Variants in LPAR3 observed in about 807,000 individuals in gnomAD.
The protein encoded by LPAR3 is LPA receptor 3.
A neutral mutation model predicts 17.8 loss-of-function variants in LPAR3; 7 were observed. The ratio of observed to expected loss-of-function variants is 0.39; its 90% CI spans 0.22 to 0.74. The LOEUF (loss-of-function observed/expected upper bound fraction) is 0.74. LPAR3 is among the 30% of genes least tolerant of loss of function. The pLI, the probability that LPAR3 is intolerant of heterozygous loss-of-function variation, is 0.40. For synonymous variants in LPAR3, 179 were observed against 179.9 expected, an observed-to-expected ratio of 0.99 and a Z score of 0.04; for missense variants, 391 against 453.4, an observed-to-expected ratio of 0.86 and a Z score of 1.25.
intron 1 of LPAR3, among the ~76,000 whole-genome samples, chr1:84,879,065 A>C (rs1311454873): frequency 6.6e-6 from 1 of 152,038 alleles, no homozygotes; most frequent in Non-Finnish European, 1.5e-5. Context: ...TGAACTTTGC[A>C]TGGTTAACCT....
chr1:84,877,866 T>C (rs1660287105), intron 1 of LPAR3, among the ~76,000 whole-genome samples: 1 of 152,184 alleles, frequency 6.6e-6, no homozygotes, highest in Admixed American at 6.5e-5. Context: ...CAGTGGCATG[T>C]AGTAAGTAGA....
intron 2 of LPAR3, among the ~76,000 whole-genome samples, chr1:84,833,858 A>G (rs1659342509): frequency 6.6e-6 from 1 of 152,214 alleles, no homozygotes; most frequent in Admixed American, 6.5e-5. Flanking sequence ...CTTGCTGTTG[A>G]CACTGCTCTC....
At chr1:84,847,923 C>T (rs1055063342) in intron 2 of LPAR3, among the ~76,000 whole-genome samples, 1 of 152,194 alleles carries the variant, frequency 6.6e-6, no homozygotes, top group African/African-American at 2.4e-5. Flanking sequence ...CTGCCTAGGT[C>T]CCACCCCTTC....
chr1:84,836,638 C>A (rs1487637836), intron 2 of LPAR3, among the ~76,000 whole-genome samples: 2 of 152,064 alleles, frequency 1.3e-5, no homozygotes, highest in African/African-American at 4.8e-5. Flanking sequence ...AAAATTAGAA[C>A]AAAATCTTAA....
chr1:84,857,965 G>A (rs557901041), intron 2 of LPAR3, among the ~76,000 whole-genome samples: 29 of 152,218 alleles, frequency 1.9e-4, no homozygotes, highest in African/African-American at 6.3e-4. Context: ...TTATCAATAC[G>A]GGTGTGTGGG....
chr1:84,874,188 T>C (rs1660212564), intron 1 of LPAR3, among the ~76,000 whole-genome samples: 1 of 152,070 alleles, frequency 6.6e-6, no homozygotes, highest in Non-Finnish European at 1.5e-5. Flanking sequence ...AAGCGTACAA[T>C]GGGTGTGCTT....
chr1:84,851,949 G>A (rs1018236504), intron 2 of LPAR3, among the ~76,000 whole-genome samples: 1 of 152,186 alleles, frequency 6.6e-6, no homozygotes, highest in African/African-American at 2.4e-5. Flanking sequence ...AATGCTGGAG[G>A]AGGGAATCCA....
chr1:84,870,412 T>C (rs185070713), intron 1 of LPAR3, among the ~76,000 whole-genome samples: 2 of 152,240 alleles, frequency 1.3e-5, no homozygotes, highest in Non-Finnish European at 1.5e-5. Flanking sequence ...ATTTGTTGAA[T>C]GAATGAATGA....
At chr1:84,889,066 AAGGTTGTAGATACAC>A (rs1660509755) in intron 1 of LPAR3, among the ~76,000 whole-genome samples, 3 of 152,014 alleles carry the variant, frequency 2.0e-5, no homozygotes, top group African/African-American at 7.2e-5. Context: ...GGAGGAGTTC[AAGGTTGTAGATACAC>A]AGGACAAGAG....
intron 2 of LPAR3, among the ~76,000 whole-genome samples, chr1:84,842,054 T>C (rs1252151374): frequency 2.0e-5 from 3 of 152,124 alleles, no homozygotes; most frequent in Non-Finnish European, 4.4e-5. Context: ...GAAACTCAGA[T>C]GAGAAGTGAA....
intron 2 of LPAR3, among the ~76,000 whole-genome samples, chr1:84,822,174 G>C (rs916110067): frequency 6.6e-6 from 1 of 152,134 alleles, no homozygotes; most frequent in Admixed American, 6.5e-5. Context: ...CCAAGTGACA[G>C]GTCAGTTATA....
At chr1:84,820,101 G>A (rs1312802833) in intron 2 of LPAR3, among the ~76,000 whole-genome samples, 1 of 152,166 alleles carries the variant, frequency 6.6e-6, no homozygotes, top group Admixed American at 6.5e-5. Flanking sequence ...TAAATTTGAA[G>A]TTTAGAGTAG....
At chr1:84,860,778 A>C in intron 2 of LPAR3, among the ~76,000 whole-genome samples, 1 of 128,892 alleles carries the variant, frequency 7.8e-6, no homozygotes, top group African/African-American at 3.0e-5. Flanking sequence ...TCTCACTGTC[A>C]CCCAGGCTGG....
chr1:84,846,926 G>C (rs767622402), intron 2 of LPAR3, among the ~76,000 whole-genome samples: 27 of 152,160 alleles, frequency 1.8e-4, no homozygotes, highest in Non-Finnish European at 3.2e-4. Context: ...AAATTTTGGA[G>C]GGGGCTACCC....
intron 2 of LPAR3, among the ~76,000 whole-genome samples, chr1:84,847,344 T>G (rs948789740): frequency 1.3e-5 from 2 of 152,216 alleles, no homozygotes; most frequent in Non-Finnish European, 2.9e-5. Context: ...AGTGGATCAC[T>G]GGATTAGAAA....
chr1:84,813,158 T>TATATATATATATAGAGAGAGAGAGAGAG lies in LPAR3; in HGVS notation c.*687_*688insCTCTCTCTCTCTCTCTATATATATATAT, dbSNP rs1206774677. 4.9e-5 allele frequency: 5 copies of TATATATATATATAGAGAGAGAGAGAGAG among 101,680 alleles called. No individual in the cohort carries two copies. Among genetic ancestry groups the TATATATATATATAGAGAGAGAGAGAGAG allele is most frequent in the Non-Finnish European group, 1.1e-4 (5 of 47,328 alleles). 6.3% of individuals were successfully genotyped at this position (101,680 alleles called of 1,614,324 possible). A position where few individuals can be genotyped will look rare whatever the true frequency, so the allele number is the denominator to read the frequency against. ...ATATATATATATATATATATATATA[T>TATATATATATATAGAGAGAGAGAGAGAG]AGACACACACACACACACACACACA... On this transcript the variant is annotated 3_prime_UTR_variant, in exon 3 of 3. Transcript: ENST00000370611.
At chr1:84,825,913 G>C (rs1163290326) in intron 2 of LPAR3, among the ~76,000 whole-genome samples, 1 of 152,096 alleles carries the variant, frequency 6.6e-6, no homozygotes, top group African/African-American at 2.4e-5. Context: ...CAAAGTTACA[G>C]AGCAATCACA....
chr1:84,814,252 C>T, intron 2 of LPAR3, 81 bp from the exon 3 acceptor site: 1 of 1,189,066 alleles, frequency 8.4e-7, no homozygotes, highest in East Asian at 2.4e-5. Flanking sequence ...AGCCTTTAGC[C>T]AGTGGCATCA....
intron 1 of LPAR3, among the ~76,000 whole-genome samples, chr1:84,881,029 T>C (rs1383445078): frequency 6.6e-6 from 1 of 152,202 alleles, no homozygotes; most frequent in African/African-American, 2.4e-5. Context: ...AATGGGAAGT[T>C]TTATGGTGGT....
Sources: allele counts gnomAD v4.1 joint callset (sites outside exome capture counted in the v4.1 genomes callset), GRCh38; gene constraint gnomAD v4.1.1; transcripts MANE v1.5; gene names NCBI Gene and HGNC (gene_info 2026-07-23, HGNC 2026-07-21).